The following PLAC8L1 variants were observed in gnomAD, a reference collection of about 807,000 sequenced individuals.
PLAC8L1 encodes the protein PLAC8-like protein 1.
PLAC8L1 carries 13 observed loss-of-function variants against 16.3 expected under a neutral mutation model. The observed-to-expected ratio is 0.80, with a 90% CI of 0.52 to 1.27. The LOEUF is 1.27. Ranked by LOEUF, PLAC8L1 falls within the 50% of genes most tolerant of loss-of-function variation. The probability of loss-of-function intolerance (pLI) is 0.00; values close to 1 mark genes in which losing one functional copy is unlikely to be tolerated. For synonymous variants in PLAC8L1, 78 were observed against 79.3 expected, an observed-to-expected ratio of 0.98 and a Z score of 0.09; for missense variants, 184 against 220.2, an observed-to-expected ratio of 0.84 and a Z score of 1.04.
intron 2 of PLAC8L1, 56 bp downstream of exon 2, chr5:146,098,100 G>A (rs766044719): frequency 7.4e-5 from 115 of 1,555,858 alleles, no homozygotes; most frequent in Non-Finnish European, 9.5e-5. Flanking sequence ...TCCACTCACT[G>A]ATGTCCTGGA....
chr5:146,100,305 G>A (rs1763792400), intron 1 of PLAC8L1, among the ~76,000 whole-genome samples: 1 of 152,168 alleles, frequency 6.6e-6, no homozygotes, highest in South Asian at 2.1e-4. Context: ...AGGGGTTAGG[G>A]TTGGAAGCGA....
chr5:146,086,381 A>G (rs1763518976), intron 2 of PLAC8L1, among the ~76,000 whole-genome samples: 1 of 152,114 alleles, frequency 6.6e-6, no homozygotes, highest in African/African-American at 2.4e-5. Context: ...TCAGGGCTTT[A>G]TTCTATTTCT....
intron 2 of PLAC8L1, among the ~76,000 whole-genome samples, chr5:146,093,259 C>T (rs1255259450): frequency 6.6e-6 from 1 of 152,090 alleles, no homozygotes; most frequent in African/African-American, 2.4e-5. Context: ...GTATTTGACT[C>T]TGAAGAGAAA....
intron 2 of PLAC8L1, among the ~76,000 whole-genome samples, chr5:146,090,490 G>A (rs1468396007): frequency 2.0e-5 from 3 of 151,822 alleles, no homozygotes; most frequent in Admixed American, 6.6e-5. Flanking sequence ...AGCCGAGATC[G>A]GGCCACTGCA....
At chr5:146,103,673 A>G in intron 1 of PLAC8L1, 2 of 985,346 alleles carry the variant, frequency 2.0e-6, no homozygotes, top group Non-Finnish European at 2.4e-6. Flanking sequence ...AGTTTGATGG[A>G]TGAGATACAT....
chr5:146,104,286 A>C lies in PLAC8L1; in HGVS notation c.26T>G (p.Phe9Cys). The C allele has an allele frequency of 3.7e-6, 6 of 1,613,210 alleles. No individual in the cohort carries two copies. Among genetic ancestry groups the C allele is most frequent in the Non-Finnish European group, 5.1e-6 (6 of 1,179,204 alleles). MNWFGSNFFRCPEDLSLLN... is the reference protein window; with the variant it reads MNWFGSNFCRCPEDLSLLN... The stretch of plus-strand genomic sequence containing the variant: ...TAAGGAAAGATCCTCAGGACACCTG[A>C]AGAAGTTACTTCCAAACCAATTCAT... Residue 9 changes from phenylalanine to cysteine, a missense_variant, in exon 1 of 4, where the codon TTC becomes TGC. Coordinates refer to ENST00000311450, the MANE Select transcript of PLAC8L1 (RefSeq NM_001029869.3).
intron 2 of PLAC8L1, among the ~76,000 whole-genome samples, chr5:146,092,119 CAG>C (rs1032141108): frequency 6.6e-6 from 1 of 152,058 alleles, no homozygotes; most frequent in African/African-American, 2.4e-5. Context: ...TACACAAAAC[CAG>C]AGTGTGGAGC....
chr5:146,085,353 G>A (rs1390162814), intron 3 of PLAC8L1, 108 bp downstream of exon 3: 1 of 1,271,836 alleles, frequency 7.9e-7, no homozygotes, highest in East Asian at 2.4e-5. Flanking sequence ...AGCATGGTAT[G>A]TTTCAACATC....
intron 2 of PLAC8L1, among the ~76,000 whole-genome samples, chr5:146,090,914 C>T (rs1035149878): frequency 6.6e-5 from 10 of 151,674 alleles, no homozygotes; most frequent in Admixed American, 2.0e-4. Context: ...ATTAGCCGGG[C>T]GTGGTGGCAG....
chr5:146,089,697 A>G (rs1009466346), intron 2 of PLAC8L1, among the ~76,000 whole-genome samples: 2 of 149,606 alleles, frequency 1.3e-5, no homozygotes, highest in African/African-American at 4.9e-5. Context: ...ACCACTTTAC[A>G]TTTATTCCTG....
At chr5:146,099,658 CA>C (rs10581890) in intron 1 of PLAC8L1, among the ~76,000 whole-genome samples, 14,511 of 88,460 alleles carry the variant, frequency 0.16, 548 homozygotes, top group Middle Eastern at 0.3. Context: ...GACTCCGTCT[CA>C]AAAAAAAAAA....
chr5:146,101,921 T>C (rs188424138), intron 1 of PLAC8L1, among the ~76,000 whole-genome samples: 80 of 152,352 alleles, frequency 5.3e-4, no homozygotes, highest in Non-Finnish European at 1.1e-3. Flanking sequence ...CTCAGTATTA[T>C]GTGCGTGACA....
At chr5:146,094,836 G>A (rs767187434) in intron 2 of PLAC8L1, among the ~76,000 whole-genome samples, 2 of 152,176 alleles carry the variant, frequency 1.3e-5, no homozygotes, top group Non-Finnish European at 2.9e-5. Context: ...TGTACCCTTT[G>A]CTTAATGGAT....
intron 2 of PLAC8L1, among the ~76,000 whole-genome samples, chr5:146,088,225 G>A (rs778903717): frequency 1.3e-5 from 2 of 152,206 alleles, no homozygotes; most frequent in Non-Finnish European, 2.9e-5. Context: ...GCTTCCCAAA[G>A]TACTGGGATT....
chr5:146,097,641 G>T (rs1196447812), intron 2 of PLAC8L1, among the ~76,000 whole-genome samples: 1 of 152,082 alleles, frequency 6.6e-6, no homozygotes, highest in Non-Finnish European at 1.5e-5. Flanking sequence ...ACTTTTCGTG[G>T]CTGTATAATA....
chr5:146,085,458 T>TA lies in PLAC8L1; in HGVS notation c.393+2dup. On this transcript the variant is annotated splice_region_variant and intron_variant, in intron 3 of 3. Transcript: ENST00000311450. ...GTTCACGTATACCTTCAAACACACT[T>TA]ACCTGTATTTTATGTCTCTCCCTGG... 1 of 1,613,926 alleles carries TA rather than the reference T, an allele frequency of 6.2e-7. No individual in the cohort carries two copies. The highest frequency in any genetic ancestry group is 8.5e-7 in the Non-Finnish European group (1 of 1,179,890).
intron 2 of PLAC8L1, 86 bp from the exon 3 acceptor site, chr5:146,085,683 C>A: frequency 6.9e-7 from 1 of 1,445,250 alleles, no homozygotes; most frequent in Non-Finnish European, 9.4e-7. Flanking sequence ...AACATTATGC[C>A]ACCAGTTTAA....
At chr5:146,093,220 ATATAGAC>A (rs1301409773) in intron 2 of PLAC8L1, among the ~76,000 whole-genome samples, 20 of 152,184 alleles carry the variant, frequency 1.3e-4, no homozygotes, top group Non-Finnish European at 1.0e-4. Context: ...CTGTATAAGT[ATATAGAC>A]TATATGTGGA....
At chr5:146,102,843 C>T (rs1247166435) in intron 1 of PLAC8L1, among the ~76,000 whole-genome samples, 1 of 152,208 alleles carries the variant, frequency 6.6e-6, no homozygotes, top group Admixed American at 6.5e-5. Context: ...TTTAAAATAT[C>T]CTAGCTCCTC....
Sources: allele counts gnomAD v4.1 joint callset (sites outside exome capture counted in the v4.1 genomes callset), GRCh38; gene constraint gnomAD v4.1.1; transcripts MANE v1.5; gene names NCBI Gene and HGNC (gene_info 2026-07-23, HGNC 2026-07-21).